Variants in ARHGAP24 observed in about 807,000 individuals in gnomAD.
ARHGAP24 encodes Rho GTPase activating protein 24, also known as rho GTPase-activating protein 24.
In ARHGAP24, 50 loss-of-function variants were observed where a neutral mutation model predicts 76.4. That is an observed-to-expected ratio of 0.65 (90% CI 0.52 to 0.83). The LOEUF (loss-of-function observed/expected upper bound fraction) is 0.83, where lower values mean the gene tolerates loss of function less well. Ranked by LOEUF, ARHGAP24 falls within the 40% of genes least tolerant of loss-of-function variation. The pLI is 0.00. For synonymous variants in ARHGAP24, 345 were observed against 323.3 expected, an observed-to-expected ratio of 1.07 and a Z score of -0.72; for missense variants, 930 against 914.2, an observed-to-expected ratio of 1.02 and a Z score of -0.22.
intron 5 of ARHGAP24, among the ~76,000 whole-genome samples, chr4:85,959,535 T>G (rs376882464): frequency 1.3e-5 from 2 of 152,166 alleles, no homozygotes; most frequent in African/African-American, 2.4e-5. Flanking sequence ...ATATCAGTAG[T>G]TTTTCCCTTT....
chr4:85,833,031 CTAATTTATTTTATAATTCCAAAT>C (rs1322743271), intron 3 of ARHGAP24, among the ~76,000 whole-genome samples: 6 of 152,168 alleles, frequency 3.9e-5, no homozygotes, highest in Non-Finnish European at 7.4e-5. Flanking sequence ...ATGTCAATCA[CTAATTTATTTTATAATTCCAAAT>C]TGATGCCTGT....
chr4:85,606,011 C>T (rs1720180164), intron 2 of ARHGAP24, among the ~76,000 whole-genome samples: 1 of 152,206 alleles, frequency 6.6e-6, no homozygotes, highest in South Asian at 2.1e-4. Flanking sequence ...CCATCTTCAT[C>T]TCCCTTCTTC....
chr4:85,724,152 T>C (rs1052979790), intron 3 of ARHGAP24, among the ~76,000 whole-genome samples: 17 of 152,202 alleles, frequency 1.1e-4, no homozygotes, highest in African/African-American at 4.1e-4. Flanking sequence ...CAGATCCTCA[T>C]AAAGCATATT....
At chr4:85,693,914 C>G (rs1026768972) in intron 2 of ARHGAP24, among the ~76,000 whole-genome samples, 1 of 152,172 alleles carries the variant, frequency 6.6e-6, no homozygotes, top group Non-Finnish European at 1.5e-5. Flanking sequence ...ATTTGCCTCC[C>G]AACTCAAATG....
chr4:85,692,073 G>A (rs1017660800), intron 2 of ARHGAP24, among the ~76,000 whole-genome samples: 27 of 152,110 alleles, frequency 1.8e-4, no homozygotes, highest in African/African-American at 6.5e-4. Context: ...ATTTATTTCT[G>A]CTTCCCTTAT....
intron 2 of ARHGAP24, among the ~76,000 whole-genome samples, chr4:85,710,892 C>T (rs979354810): frequency 6.6e-6 from 1 of 152,054 alleles, no homozygotes. Context: ...CCAGCAATCC[C>T]ATTACTGTGT....
rs889750321 is a variant in ARHGAP24 at position 85,923,528 on chromosome 4, T to C, written c.269-120T>C. The C allele has an allele frequency of 2.3e-5, 31 of 1,375,158 alleles. No individual in the cohort carries two copies. In the African/African-American group the frequency reaches 4.3e-4, roughly 19 times the overall value. The allele number at this position is 1,375,158 out of a possible 1,614,324, so 85.2% of individuals were successfully genotyped here. A position where few individuals can be genotyped will look rare whatever the true frequency, so the allele number is the denominator to read the frequency against. ...GAAACCATGGTAAATATTTCATCATTGGGTAGAACTTAGTGCGGGCTGTAT... is the reference window on the plus strand; with the variant it reads ...GAAACCATGGTAAATATTTCATCATCGGGTAGAACTTAGTGCGGGCTGTAT... On this transcript the variant is annotated intron_variant, in intron 3 of 9. Coordinates refer to ENST00000395184, the MANE Select transcript of ARHGAP24 (RefSeq NM_001025616.3).
intron 2 of ARHGAP24, among the ~76,000 whole-genome samples, chr4:85,694,523 G>C (rs1259827172): frequency 1.3e-5 from 2 of 151,948 alleles, no homozygotes. Flanking sequence ...TTATTAACAA[G>C]TATTAATAGT....
rs575436846 is a variant in ARHGAP24 at position 85,626,863 on chromosome 4, C to T, written c.180+56142C>T. On this transcript the variant is annotated intron_variant, in intron 2 of 9. Transcript: ENST00000395184. ...ACTGATACTCTTTCTTCTAGTTGAT[C>T]GCATCGGCTACTGAGGCTTCTGCAT... is the stretch of plus-strand genomic sequence containing the variant. Among the ~76,000 whole-genome samples, 60 of 152,266 alleles carry T rather than the reference C, an allele frequency of 3.9e-4. 2 individuals carry two copies. The South Asian group carries it at 0.011, about 29-fold the overall frequency.
At chr4:85,977,715 C>G (rs919071805) in intron 8 of ARHGAP24, 24 bp downstream of exon 8, 1 of 1,611,278 alleles carries the variant, frequency 6.2e-7, no homozygotes, top group South Asian at 1.1e-5. Flanking sequence ...TATCTTATAC[C>G]CTTATCAAAA....
intron 3 of ARHGAP24, among the ~76,000 whole-genome samples, chr4:85,833,533 G>T (rs1730107106): frequency 6.6e-6 from 1 of 152,062 alleles, no homozygotes. Flanking sequence ...AAGTTTCTCA[G>T]ACTGGCAGGC....
intron 3 of ARHGAP24, among the ~76,000 whole-genome samples, chr4:85,776,346 CA>C (rs1214844463): frequency 6.6e-6 from 1 of 152,168 alleles, no homozygotes; most frequent in African/African-American, 2.4e-5. Context: ...CTTCAAAATA[CA>C]GTGAGTATTC....
At chr4:85,914,996 T>C (rs17011196) in intron 3 of ARHGAP24, among the ~76,000 whole-genome samples, 26,906 of 152,182 alleles carry the variant, frequency 0.18, 2,542 homozygotes, top group South Asian at 0.34. Flanking sequence ...GAAGAGGATA[T>C]AAATTCTAGA....
At position 86,000,530 on chromosome 4, in the gene ARHGAP24, T is replaced by G; in HGVS notation, c.2055T>G (p.Asp685Glu). Residue 685 changes from aspartate to glutamate, a missense_variant, in exon 10 of 10, where the codon GAT becomes GAG. Coordinates refer to ENST00000395184, the MANE Select transcript of ARHGAP24 (RefSeq NM_001025616.3). ...TLETEMMSLH[D>E]ELDQERKKFT... is the part of the protein sequence containing the mutation. ...AAACAGAAATGATGAGCCTCCATGA[T>G]GAACTGGATCAGGAGAGGAAAAAGT... 1 of 1,584,702 alleles carries G rather than the reference T, an allele frequency of 6.3e-7. No individual in the cohort carries two copies. The highest frequency in any genetic ancestry group is 8.6e-7 in the Non-Finnish European group (1 of 1,166,868).
intron 1 of ARHGAP24, among the ~76,000 whole-genome samples, chr4:85,553,175 G>A (rs1726213316): frequency 6.6e-6 from 1 of 152,150 alleles, no homozygotes; most frequent in African/African-American, 2.4e-5. Context: ...TGAAGCTGCA[G>A]ACATTCTCGG....
At chr4:85,908,449 GTTA>G (rs1402747388) in intron 3 of ARHGAP24, among the ~76,000 whole-genome samples, 1 of 152,164 alleles carries the variant, frequency 6.6e-6, no homozygotes, top group African/African-American at 2.4e-5. Context: ...CTAGTTGTAA[GTTA>G]TTATGTTTTT....
At chr4:85,999,214 A>C (rs1367469707) in intron 9 of ARHGAP24, among the ~76,000 whole-genome samples, 2 of 152,150 alleles carry the variant, frequency 1.3e-5, no homozygotes, top group African/African-American at 4.8e-5. Context: ...TTTGGCTCTA[A>C]AATAGCTTTG....
intron 2 of ARHGAP24, among the ~76,000 whole-genome samples, chr4:85,618,507 G>C (rs1001581468): frequency 5.9e-5 from 9 of 152,224 alleles, no homozygotes; most frequent in African/African-American, 1.9e-4. Context: ...CCCAAAGTGA[G>C]TTGCTGGATC....
intron 3 of ARHGAP24, among the ~76,000 whole-genome samples, chr4:85,867,482 G>T (rs1442222675): frequency 2.0e-5 from 3 of 152,160 alleles, no homozygotes; most frequent in Non-Finnish European, 4.4e-5. Context: ...ACTCTACTTA[G>T]TCTGGCAAAA....
Sources: allele counts gnomAD v4.1 joint callset (sites outside exome capture counted in the v4.1 genomes callset), GRCh38; gene constraint gnomAD v4.1.1; transcripts MANE v1.5; gene names NCBI Gene and HGNC (gene_info 2026-07-23, HGNC 2026-07-21).